The following NKD2 variants were observed in gnomAD, a reference collection of about 807,000 sequenced individuals.
NKD2 encodes NKD inhibitor of Wnt signaling pathway 2.
Under a neutral mutation model 34.8 loss-of-function variants are expected in NKD2, and 43 were observed. The ratio of observed to expected loss-of-function variants is 1.24; its 90% confidence interval spans 0.97 to 1.60. The LOEUF (loss-of-function observed/expected upper bound fraction) is 1.60. Ranked by LOEUF, NKD2 falls within the 40% of genes most tolerant of loss-of-function variation. NKD2 has a pLI of 0.00. For missense variants in NKD2, 675 were observed against 627.1 expected (o/e 1.08, Z -0.82); for synonymous variants, 278 against 265.1 (o/e 1.05, Z -0.47).
At chr5:1,019,066 G>A (rs1756070872) in intron 3 of NKD2, among the ~76,000 whole-genome samples, 2 of 152,180 alleles carry the variant, frequency 1.3e-5, no homozygotes, top group Non-Finnish European at 2.9e-5. Flanking sequence ...TCACCTTCCC[G>A]CTATCCCTGT....
intron 3 of NKD2, among the ~76,000 whole-genome samples, chr5:1,011,860 G>A (rs188546620): frequency 2.5e-4 from 38 of 152,376 alleles, no homozygotes; most frequent in Admixed American, 2.1e-3. Context: ...GCGACTCTGC[G>A]GAGCGCCACA....
At chr5:1,036,427 G>A (rs766622893) in intron 9 of NKD2, 43 bp downstream of exon 9, 1 of 1,572,432 alleles carries the variant, frequency 6.4e-7, no homozygotes. Context: ...CCTGGCTGTG[G>A]GTGCCCATCG....
In NKD2 at chr5:1,035,009, TG is replaced by T; in HGVS notation, c.574+109del. ...ACAAGTGAGTGGATGGAGGAGTGAG[TG>T]GGTGAATGGATGGGTGAGTGAGTGA... On this transcript the variant is annotated intron_variant, in intron 7 of 9. Transcript: ENST00000296849. The T allele has an allele frequency of 3.8e-6, 4 of 1,062,752 alleles. No homozygotes were observed. In the South Asian group the frequency reaches 6.6e-5, roughly 17 times the overall value. 65.8% of individuals were successfully genotyped at this position (1,062,752 alleles called of 1,614,324 possible). A position where few individuals can be genotyped will look rare whatever the true frequency, so the allele number is the denominator to read the frequency against.
chr5:1,013,454 CAG>C (rs978005689), intron 3 of NKD2, among the ~76,000 whole-genome samples: 9 of 152,352 alleles, frequency 5.9e-5, no homozygotes, highest in South Asian at 2.1e-4. Flanking sequence ...GGCTCAGGCA[CAG>C]AGGGAACCGA....
chr5:1,015,165 G>A (rs954433948), intron 3 of NKD2, among the ~76,000 whole-genome samples: 2 of 152,250 alleles, frequency 1.3e-5, no homozygotes, highest in Non-Finnish European at 2.9e-5. Flanking sequence ...AGAGGGGTGC[G>A]TGAGTCCGTG....
At chr5:1,028,268 C>G (rs1198866183) in intron 3 of NKD2, among the ~76,000 whole-genome samples, 1 of 152,110 alleles carries the variant, frequency 6.6e-6, no homozygotes, top group Non-Finnish European at 1.5e-5. Flanking sequence ...GGGTGGCCTT[C>G]CTGAGCATCC....
intron 8 of NKD2, chr5:1,035,780 G>C (rs1733875954): frequency 2.2e-6 from 1 of 452,614 alleles, no homozygotes; most frequent in Non-Finnish European, 3.9e-6. Flanking sequence ...CAGCAGCTTT[G>C]GGGGCAACAG....
intron 3 of NKD2, among the ~76,000 whole-genome samples, chr5:1,031,491 A>T (rs1271857676): frequency 6.6e-6 from 1 of 152,002 alleles, no homozygotes; most frequent in African/African-American, 2.4e-5. Context: ...GCTCTCAGGA[A>T]ATGCTCCAGG....
Position 1,033,322 on chromosome 5 carries a change from A to G in NKD2, c.203-50A>G, listed in dbSNP as rs369847394. 44 of 1,530,314 alleles carry G rather than the reference A, an allele frequency of 2.9e-5. 1 individual carries two copies. In the Middle Eastern group the frequency reaches 7.0e-4, roughly 24 times the overall value. 94.8% of individuals were successfully genotyped at this position (1,530,314 alleles called of 1,614,324 possible). On this transcript the variant is annotated intron_variant, in intron 4 of 9. Transcript: ENST00000296849. The stretch of plus-strand genomic sequence containing the variant: ...GCGAGGGTCCCCAATGGCGGGCCAC[A>G]TCCTCCATGTGCCCTCTGCCAGCCC...
rs1756678001 is a variant in NKD2, at chr5:1,032,318, G to T, written c.202+106G>T. ...AAAACAACCCCGTGTGCGGAGCGAG[G>T]GCACTTCCCAGGCTTAGACGCACTT... On this transcript the variant is annotated intron_variant, in intron 4 of 9. Transcript: ENST00000296849. 3 of 867,392 alleles carry T rather than the reference G, an allele frequency of 3.5e-6. No individual in the cohort carries two copies. In the East Asian group the frequency reaches 7.7e-5, roughly 22 times the overall value. 53.7% of individuals were successfully genotyped at this position (867,392 alleles called of 1,614,324 possible). A position where few individuals can be genotyped will look rare whatever the true frequency, so the allele number is the denominator to read the frequency against.
At chr5:1,011,252 G>A (rs1032795859) in intron 3 of NKD2, among the ~76,000 whole-genome samples, 1 of 152,048 alleles carries the variant, frequency 6.6e-6, no homozygotes, top group African/African-American at 2.4e-5. Flanking sequence ...TGTATTTTCC[G>A]CCTCTGGCCA....
chr5:1,038,062 T>TC lies in NKD2; in HGVS notation c.1047dup (p.Gly350ArgfsTer181). On this transcript the variant is annotated frameshift_variant, in exon 10 of 10. Coordinates refer to ENST00000296849, the MANE Select transcript of NKD2 (RefSeq NM_033120.4). LOFTEE classifies it low-confidence loss of function (END_TRUNC). This position sits in a 1 kb window ranked among gnomAD's most constrained non-coding sequence, Gnocchi z 4.5. ...GCCTGGGGTGCCAGCCAGCAGCAAG[T>TC]CCGGGAAAGCCTTCAGCTACTACCT... 1 of 1,609,436 alleles carries TC rather than the reference T, an allele frequency of 6.2e-7. No individual in the cohort carries two copies. Among genetic ancestry groups the TC allele is most frequent in the Admixed American group, 1.7e-5 (1 of 59,854 alleles).
chr5:1,026,716 G>T (rs1038187262), intron 3 of NKD2, among the ~76,000 whole-genome samples: 1 of 152,208 alleles, frequency 6.6e-6, no homozygotes, highest in Non-Finnish European at 1.5e-5. Flanking sequence ...TCCCCTCCCT[G>T]AGCCACCTGC....
chr5:1,035,863 G>A, intron 8 of NKD2: 1 of 386,418 alleles, frequency 2.6e-6, no homozygotes, highest in Non-Finnish European at 4.7e-6. Context: ...CAATGGCTAA[G>A]GGTGGCTGGG....
At chr5:1,033,336 C>T (rs1156990315) in intron 4 of NKD2, 36 bp from the exon 5 acceptor site, 15 of 1,564,106 alleles carry the variant, frequency 9.6e-6, no homozygotes, top group Non-Finnish European at 1.3e-5. Flanking sequence ...TCCATGTGCC[C>T]TCTGCCAGCC....
intron 3 of NKD2, among the ~76,000 whole-genome samples, chr5:1,017,185 A>G (rs962527586): frequency 2.0e-5 from 3 of 151,712 alleles, no homozygotes; most frequent in Non-Finnish European, 4.4e-5. Context: ...TGCCCCGGGG[A>G]CGTGGGTAGC....
At position 1,035,372 on chromosome 5, in the gene NKD2, C is replaced by A. The variant is rs766375860; in HGVS notation, c.575-17C>A. The A allele has an allele frequency of 1.3e-6, 2 of 1,549,890 alleles. No homozygotes were observed. The highest frequency in any genetic ancestry group is 1.7e-6 in the Non-Finnish European group (2 of 1,144,952). ...GAAGGAGGGAGGGAGTGAGTAATGG[C>A]AGGACCCCCCTTTCAGACCGGGAGC... On this transcript the variant is annotated splice_polypyrimidine_tract_variant and intron_variant, in intron 7 of 9. Coordinates refer to ENST00000296849, the MANE Select transcript of NKD2 (RefSeq NM_033120.4).
At chr5:1,022,676 C>T (rs1328818412) in intron 3 of NKD2, among the ~76,000 whole-genome samples, 1 of 25,186 alleles carries the variant, frequency 4.0e-5, no homozygotes, top group Non-Finnish European at 5.4e-4. Flanking sequence ...GTGGGCGTCT[C>T]AGCCCGTTGT....
At position 1,038,678 on chromosome 5, in the gene NKD2, C is replaced by A; in HGVS notation, c.*305C>A. On this transcript the variant is annotated 3_prime_UTR_variant, in exon 10 of 10. Coordinates refer to ENST00000296849, the MANE Select transcript of NKD2 (RefSeq NM_033120.4). This position sits in a 1 kb window ranked among gnomAD's most constrained non-coding sequence, Gnocchi z 4.5. ...TAACCCATAAAACCTGCTTTGATTC[C>A]AAAATGAGGCCCTGGAGTGCGCAAG... 1 of 616,836 alleles carries A rather than the reference C, an allele frequency of 1.6e-6. No homozygotes were observed. Among genetic ancestry groups the A allele is most frequent in the Non-Finnish European group, 2.9e-6 (1 of 344,890 alleles). 38.2% of individuals were successfully genotyped at this position (616,836 alleles called of 1,614,324 possible).
Sources: allele counts gnomAD v4.1 joint callset (sites outside exome capture counted in the v4.1 genomes callset), GRCh38; gene constraint gnomAD v4.1.1; non-coding constraint Gnocchi (gnomAD v3.1); transcripts MANE v1.5; gene names NCBI Gene and HGNC (gene_info 2026-07-23, HGNC 2026-07-21).